The following SOX5 variants were observed in gnomAD, a reference collection of about 807,000 sequenced individuals.
SOX5 encodes the protein SRY-box transcription factor 5.
In SOX5, 9 loss-of-function variants were observed where a neutral mutation model predicts 92.0. That is an observed-to-expected ratio of 0.10 (90% CI 0.06 to 0.17). The LOEUF (loss-of-function observed/expected upper bound fraction) is 0.17. Among genes scored for constraint, SOX5 ranks in the 10% least tolerant of loss-of-function variants. SOX5 has a pLI of 1.00. For synonymous variants in SOX5, 344 were observed against 336.3 expected, an observed-to-expected ratio of 1.02 and a Z score of -0.25; for missense variants, 642 against 944.5, an observed-to-expected ratio of 0.68 and a Z score of 4.20.
chr12:24,287,072 C>T (rs1945960671), intron 2 of SOX5, among the ~76,000 whole-genome samples: 1 of 152,118 alleles, frequency 6.6e-6, no homozygotes, highest in Admixed American at 6.5e-5. Flanking sequence ...CTAAATTATT[C>T]TAGTCCCCGA....
At chr12:24,506,416 AAAAG>A (rs1948746464) in intron 1 of SOX5, among the ~76,000 whole-genome samples, 1 of 78,894 alleles carries the variant, frequency 1.3e-5, no homozygotes, top group African/African-American at 5.3e-5. Context: ...CAAAAAAAAA[AAAAG>A]AGAGAGAGAG....
chr12:24,251,610 C>T (rs1274182267), intron 3 of SOX5, among the ~76,000 whole-genome samples: 6 of 148,214 alleles, frequency 4.0e-5, no homozygotes, highest in Admixed American at 2.0e-4. Context: ...TCACTTTTGT[C>T]GCCCAGGCTG....
At chr12:23,850,089 T>A (rs2096615145) in intron 2 of SOX5, among the ~76,000 whole-genome samples, 1 of 152,154 alleles carries the variant, frequency 6.6e-6, no homozygotes, top group African/African-American at 2.4e-5. Context: ...TCAACAAGTT[T>A]TGACATAGTC....
chr12:24,153,644 A>C (rs1036113728), intron 4 of SOX5, among the ~76,000 whole-genome samples: 1 of 152,040 alleles, frequency 6.6e-6, no homozygotes, highest in Non-Finnish European at 1.5e-5. Flanking sequence ...TGCACACTCC[A>C]CTGAAATAAT....
intron 4 of SOX5, among the ~76,000 whole-genome samples, chr12:24,205,821 G>A (rs1329370140): frequency 2.0e-5 from 3 of 152,158 alleles, no homozygotes; most frequent in Non-Finnish European, 2.9e-5. Context: ...ATACCCTTGT[G>A]ACTGTGGTTT....
At chr12:23,764,103 G>A (rs979250626) in intron 3 of SOX5, among the ~76,000 whole-genome samples, 2 of 151,050 alleles carry the variant, frequency 1.3e-5, no homozygotes, top group African/African-American at 4.9e-5. Flanking sequence ...TAAGGCGAGA[G>A]GAGTAGAATG....
intron 9 of SOX5, among the ~76,000 whole-genome samples, chr12:23,603,118 G>C (rs1251880870): frequency 6.6e-6 from 1 of 151,990 alleles, no homozygotes; most frequent in East Asian, 1.9e-4. Context: ...TAATAATATG[G>C]AAAAGGACTG....
rs78510066 is a variant in SOX5 at position 24,332,909 on chromosome 12, G to T, written c.-174+35654C>A. ...CATTGTAAACTGTGATAATATAGAA[G>T]TGTTGACAGAGCCAAGATAGGAGCA... is the stretch of plus-strand genomic sequence containing the variant. On this transcript the variant is annotated intron_variant, in intron 2 of 4. Coordinates refer to the SOX5 transcript ENST00000446891. 4.3e-4 allele frequency among the ~76,000 whole-genome samples: 65 copies of T among 152,238 alleles called. No homozygotes were observed. The East Asian group carries it at 0.012, about 28-fold the overall frequency.
chr12:24,313,341 AAC>A (rs1949379925), intron 2 of SOX5, among the ~76,000 whole-genome samples: 1 of 152,154 alleles, frequency 6.6e-6, no homozygotes, highest in African/African-American at 2.4e-5. Flanking sequence ...TAACCTGGGC[AAC>A]AGAGTGAGAC....
Position 24,352,783 on chromosome 12 carries a change from G to C in SOX5, c.-174+15780C>G, listed in dbSNP as rs552209721. On this transcript the variant is annotated intron_variant, in intron 2 of 4. Transcript: ENST00000446891. The stretch of plus-strand genomic sequence containing the variant: ...CAAATGGGTGCCTTCCCTCTCTGTG[G>C]CCAGTCCTTCTCAAACAGCTGCCCC... Among the ~76,000 whole-genome samples, 12 of 152,230 alleles carry C rather than the reference G, an allele frequency of 7.9e-5. 1 individual carries two copies. Among genetic ancestry groups the C allele is most frequent in the African/African-American group, 2.6e-4 (11 of 41,546 alleles).
chr12:24,398,620 A>G (rs1392986657), intron 1 of SOX5, among the ~76,000 whole-genome samples: 1 of 152,212 alleles, frequency 6.6e-6, no homozygotes, highest in African/African-American at 2.4e-5. Context: ...AAAACAAAAG[A>G]ATGTTGAGAA....
At chr12:24,445,666 A>T (rs1053415165) in intron 1 of SOX5, among the ~76,000 whole-genome samples, 1 of 152,236 alleles carries the variant, frequency 6.6e-6, no homozygotes, top group Admixed American at 6.5e-5. Context: ...TAACAGTCAT[A>T]TTCATAGAGA....
At chr12:23,665,405 C>T in intron 7 of SOX5, 39 bp downstream of exon 7, 1 of 1,610,256 alleles carries the variant, frequency 6.2e-7, no homozygotes, top group Non-Finnish European at 8.5e-7. Context: ...AAAGCTTTGC[C>T]CTCCACCCAC....
At chr12:23,854,470 C>T (rs2096666404) in intron 2 of SOX5, among the ~76,000 whole-genome samples, 1 of 151,446 alleles carries the variant, frequency 6.6e-6, no homozygotes, top group Admixed American at 6.6e-5. Context: ...ATTGTATAAT[C>T]TAGGGCAATT....
chr12:24,340,007 C>T (rs939561232), intron 2 of SOX5, among the ~76,000 whole-genome samples: 4 of 152,160 alleles, frequency 2.6e-5, no homozygotes, highest in Admixed American at 2.6e-4. Flanking sequence ...TGACCCACTG[C>T]CTCAATTAGG....
chr12:23,671,012 A>G (rs2084688415), intron 6 of SOX5, among the ~76,000 whole-genome samples: 1 of 152,160 alleles, frequency 6.6e-6, no homozygotes, highest in Non-Finnish European at 1.5e-5. Flanking sequence ...GTTATGAGGA[A>G]ATAAAAATTG....
At position 23,965,155 on chromosome 12, in the gene SOX5, G is replaced by C. The variant is rs533534208; in HGVS notation, c.-1-69131C>G. Among the ~76,000 whole-genome samples, 26 of 152,322 alleles carry C rather than the reference G, an allele frequency of 1.7e-4. No individual in the cohort carries two copies. The South Asian group carries it at 5.4e-3, about 32-fold the overall frequency. On this transcript the variant is annotated intron_variant, in intron 4 of 4. Coordinates refer to the SOX5 transcript ENST00000446891. ...GACACCATCTACCGTGGAACAGATG[G>C]ATTATCTCGATGGTGTCCCTGCCTG...
chr12:23,540,505 C>T (rs1015424983), intron 13 of SOX5, among the ~76,000 whole-genome samples: 2 of 151,990 alleles, frequency 1.3e-5, no homozygotes, highest in Non-Finnish European at 1.5e-5. Context: ...TAAGGTCCAA[C>T]GATTATTCCT....
At chr12:24,440,960 G>GT in intron 1 of SOX5, among the ~76,000 whole-genome samples, 1 of 152,150 alleles carries the variant, frequency 6.6e-6, no homozygotes, top group Admixed American at 6.5e-5. Context: ...GCCATGACCT[G>GT]GGTCACATCC....
Sources: allele counts gnomAD v4.1 joint callset (sites outside exome capture counted in the v4.1 genomes callset), GRCh38; gene constraint gnomAD v4.1.1; transcripts MANE v1.5; gene names NCBI Gene and HGNC (gene_info 2026-07-23, HGNC 2026-07-21).